CCDC102B: variants seen among roughly 807,000 people sequenced by gnomAD.
CCDC102B encodes the protein coiled-coil domain containing 102B.
Under a neutral mutation model 57.4 loss-of-function variants are expected in CCDC102B, and 75 were observed. That is an observed-to-expected ratio of 1.31 (90% CI 1.08 to 1.58). CCDC102B has a LOEUF of 1.58. Among genes scored for constraint, CCDC102B ranks in the 40% most tolerant of loss-of-function variants. The pLI, the probability that CCDC102B is intolerant of heterozygous loss-of-function variation, is 0.00. For missense variants in CCDC102B, 636 were observed against 582.6 expected (o/e 1.09, Z -0.94); for synonymous variants, 206 against 201.9 (o/e 1.02, Z -0.17).
chr18:69,000,515 A>G (rs931055786), intron 6 of CCDC102B, among the ~76,000 whole-genome samples: 6 of 152,160 alleles, frequency 3.9e-5, no homozygotes, highest in African/African-American at 1.4e-4. Flanking sequence ...TGAATGCCTT[A>G]GTCCCAGAGA....
intron 7 of CCDC102B, among the ~76,000 whole-genome samples, chr18:69,046,316 C>G (rs1388006442): frequency 6.6e-6 from 1 of 152,162 alleles, no homozygotes. Flanking sequence ...GATGGTATCT[C>G]ATTGTGGTTT....
At chr18:68,990,099 C>T (rs370925767) in intron 6 of CCDC102B, among the ~76,000 whole-genome samples, 1 of 152,176 alleles carries the variant, frequency 6.6e-6, no homozygotes, top group Non-Finnish European at 1.5e-5. Context: ...CAGTGAAGCA[C>T]CATCTCTTTG....
chr18:68,789,085 A>G (rs1015427133), intron 2 of CCDC102B, among the ~76,000 whole-genome samples: 18 of 152,122 alleles, frequency 1.2e-4, no homozygotes, highest in South Asian at 4.1e-4. Context: ...TCCTTCGCTT[A>G]TGAAGCTTAG....
intron 6 of CCDC102B, among the ~76,000 whole-genome samples, chr18:68,920,051 T>C (rs2041220110): frequency 6.6e-6 from 1 of 152,236 alleles, no homozygotes; most frequent in Non-Finnish European, 1.5e-5. Context: ...TTGTCCAGGA[T>C]ATTTCATCAC....
chr18:68,812,409 A>G (rs954568946), intron 1 of CCDC102B, among the ~76,000 whole-genome samples: 1 of 152,212 alleles, frequency 6.6e-6, no homozygotes, highest in Non-Finnish European at 1.5e-5. Context: ...GTAATCATTT[A>G]GAAAATGTGG....
intron 3 of CCDC102B, among the ~76,000 whole-genome samples, chr18:68,841,177 C>T (rs535043003): frequency 3.4e-4 from 52 of 152,078 alleles, no homozygotes; most frequent in Non-Finnish European, 5.9e-4. Context: ...ATTCTTCTTC[C>T]TGGAATATCA....
chr18:69,011,338 G>C (rs1010317270), intron 7 of CCDC102B: 1 of 457,902 alleles, frequency 2.2e-6, no homozygotes, highest in African/African-American at 2.0e-5. Flanking sequence ...CAGTACTTCA[G>C]CATGACCTTG....
rs77220927 is a variant in CCDC102B, at chr18:68,890,124, A to G, written c.1054-7095A>G. Among the ~76,000 whole-genome samples, 39 of 151,506 alleles carry G rather than the reference A, an allele frequency of 2.6e-4. 1 individual carries two copies. The East Asian group carries it at 7.2e-3, about 28-fold the overall frequency. On this transcript the variant is annotated intron_variant, in intron 5 of 7. Transcript: ENST00000360242. Reference sequence around the variant, plus strand: ...GTCACATTTATATTGCTAATTCCTCATTTACATTTACCATTAAATGTTCAT... The same window carrying G: ...GTCACATTTATATTGCTAATTCCTCGTTTACATTTACCATTAAATGTTCAT...
chr18:68,787,021 A>T (rs979555835), intron 2 of CCDC102B, among the ~76,000 whole-genome samples: 2 of 151,656 alleles, frequency 1.3e-5, no homozygotes, highest in Non-Finnish European at 2.9e-5. Context: ...TAATTTATTG[A>T]GAGTTTTTAG....
At chr18:68,805,808 G>C (rs1226422611) in intron 1 of CCDC102B, among the ~76,000 whole-genome samples, 4 of 152,102 alleles carry the variant, frequency 2.6e-5, no homozygotes, top group Admixed American at 2.0e-4. Context: ...CTTTGGACAT[G>C]AAAATTTTTC....
intron 2 of CCDC102B, among the ~76,000 whole-genome samples, chr18:68,762,961 T>C: frequency 6.6e-6 from 1 of 152,072 alleles, no homozygotes; most frequent in East Asian, 1.9e-4. Flanking sequence ...ATCAATATTT[T>C]ACCTCAGCCT....
At position 68,836,841 on chromosome 18, in the gene CCDC102B, C is replaced by T. The variant is rs61998185; in HGVS notation, c.78C>T (p.Arg26=). 6,054 of 1,613,896 alleles carry T rather than the reference C, an allele frequency of 3.8e-3. 175 individuals are homozygous for T. The African/African-American group carries it at 0.068, about 18-fold the overall frequency. The change falls in exon 2 of 8, where the codon CGC becomes CGT. Residue 26 remains arginine, a synonymous_variant. Transcript: ENST00000360242. ...TGCAACAATCATCAATTAAGTCACG[C>T]GGCGACATGGTGGCACCTGCCTCAC... is the stretch of plus-strand genomic sequence containing the variant. ...FQMQQSSIKS[R]GDMVAPASPP... is the part of the protein sequence containing the mutation.
intron 7 of CCDC102B, among the ~76,000 whole-genome samples, chr18:69,035,730 G>A (rs925341033): frequency 5.3e-5 from 8 of 152,034 alleles, no homozygotes; most frequent in African/African-American, 1.9e-4. Flanking sequence ...AAGTGGACCA[G>A]AATATTTCAC....
intron 6 of CCDC102B, among the ~76,000 whole-genome samples, chr18:68,934,868 G>A (rs4553724): frequency 0.27 from 41,346 of 151,458 alleles, 7,132 homozygotes; most frequent in East Asian, 0.64. Flanking sequence ...ATATAGGTAC[G>A]TTTCAATTAA....
At chr18:68,968,969 A>G (rs1023218482) in intron 6 of CCDC102B, among the ~76,000 whole-genome samples, 1 of 152,172 alleles carries the variant, frequency 6.6e-6, no homozygotes, top group African/African-American at 2.4e-5. Context: ...GTTTTTTTGT[A>G]TACCAATTAT....
At chr18:68,928,843 G>A (rs2041568101) in intron 6 of CCDC102B, among the ~76,000 whole-genome samples, 1 of 151,814 alleles carries the variant, frequency 6.6e-6, no homozygotes. Flanking sequence ...GGGGGACAAT[G>A]GATTATTGTA....
At position 68,905,784 on chromosome 18, in the gene CCDC102B, C is replaced by CT. The variant is rs35808828; in HGVS notation, c.1263+8383dup. Among the ~76,000 whole-genome samples, 224 of 70,466 alleles carry CT rather than the reference C, an allele frequency of 3.2e-3. 20 individuals carry two copies. Among genetic ancestry groups the CT allele is most frequent in the African/African-American group, 8.3e-3 (136 of 16,412 alleles). 46.2% of individuals were successfully genotyped at this position (70,466 alleles called of 152,430 possible). On this transcript the variant is annotated intron_variant, in intron 6 of 7. Transcript: ENST00000360242. ...GTGATATATAATCTTTTATGTCTGG[C>CT]TTTTTTTTTTTTTTTTTTTTTTTTT...
chr18:68,829,027 GA>G (rs1295305011), intron 1 of CCDC102B, among the ~76,000 whole-genome samples: 1 of 151,736 alleles, frequency 6.6e-6, no homozygotes, highest in Non-Finnish European at 1.5e-5. Flanking sequence ...TCTCTTTTCT[GA>G]AAGAAAAAAC....
chr18:68,853,452 C>T (rs1283765464), intron 4 of CCDC102B, among the ~76,000 whole-genome samples: 2 of 151,736 alleles, frequency 1.3e-5, no homozygotes, highest in African/African-American at 4.8e-5. Context: ...TACTATATCG[C>T]TCTCATACTA....
Sources: allele counts gnomAD v4.1 joint callset (sites outside exome capture counted in the v4.1 genomes callset), GRCh38; gene constraint gnomAD v4.1.1; transcripts MANE v1.5; gene names NCBI Gene and HGNC (gene_info 2026-07-23, HGNC 2026-07-21).